Variants in PDIA6 observed in about 807,000 individuals in gnomAD.
The protein encoded by PDIA6 is protein disulfide isomerase family A member 6, also known as protein disulfide-isomerase A6.
PDIA6 carries 29 observed loss-of-function variants against 58.4 expected under a neutral mutation model. The observed-to-expected ratio is 0.50, with a 90% CI of 0.37 to 0.68. The LOEUF (loss-of-function observed/expected upper bound fraction) is 0.68. PDIA6 is among the 30% of genes least tolerant of loss of function. PDIA6 has a pLI of 0.00. For missense variants in PDIA6, 480 were observed against 551.0 expected, an observed-to-expected ratio of 0.87 and a Z score of 1.29; for synonymous variants, 192 against 202.6, an observed-to-expected ratio of 0.95 and a Z score of 0.44.
chr2:10,802,886 T>C (rs1035845933), intron 1 of PDIA6, among the ~76,000 whole-genome samples: 2 of 152,218 alleles, frequency 1.3e-5, no homozygotes, highest in African/African-American at 2.4e-5. Context: ...GGAAAAAGGC[T>C]GAAGCATTAT....
rs749930440 is a variant in PDIA6, at chr2:10,793,169, G to A, written c.380C>T (p.Ala127Val). ...CACGAGCTGGCGCAGAGCACTCAGC[G>A]CAGCATCTACAATGGCTTCACCAGT... ...GRTGEAIVDA[A>V]LSALRQLVKD... is the part of the protein sequence containing the mutation. Residue 127 changes from alanine to valine, a missense_variant, in exon 5 of 13, where the codon GCG becomes GTG. Coordinates refer to ENST00000272227, the MANE Select transcript of PDIA6 (RefSeq NM_005742.4). 5.0e-6 allele frequency: 8 copies of A among 1,614,006 alleles called. No individual in the cohort carries two copies. Among genetic ancestry groups the A allele is most frequent in the Admixed American group, 1.7e-5 (1 of 60,020 alleles).
chr2:10,816,683 T>C (rs1288818901), upstream of PDIA6, among the ~76,000 whole-genome samples: 1 of 152,166 alleles, frequency 6.6e-6, no homozygotes, highest in Non-Finnish European at 1.5e-5. Flanking sequence ...GTGACTGGGA[T>C]TTTTTTCTTT....
chr2:10,811,439 G>C (rs1413318849), intron 1 of PDIA6, among the ~76,000 whole-genome samples: 2 of 152,202 alleles, frequency 1.3e-5, no homozygotes, highest in Non-Finnish European at 2.9e-5. Flanking sequence ...CCAGGCTGCA[G>C]TGAACTATGA....
chr2:10,821,933 C>G (rs1212854213), intron 1 of PDIA6, among the ~76,000 whole-genome samples: 3 of 133,436 alleles, frequency 2.2e-5, no homozygotes, highest in Non-Finnish European at 4.8e-5. Flanking sequence ...CTTATATAAA[C>G]GATTTTTAAA....
chr2:10,791,581 A>T (rs1018580299), intron 6 of PDIA6, among the ~76,000 whole-genome samples: 2 of 152,170 alleles, frequency 1.3e-5, no homozygotes, highest in African/African-American at 4.8e-5. Flanking sequence ...CTGCCCCTAA[A>T]TCCAGACATG....
intron 1 of PDIA6, among the ~76,000 whole-genome samples, chr2:10,825,884 TA>T (rs1426872879): frequency 6.6e-6 from 1 of 152,226 alleles, no homozygotes; most frequent in Non-Finnish European, 1.5e-5. Flanking sequence ...TTTGGGAATG[TA>T]AAATGGTGCA....
intron 1 of PDIA6, among the ~76,000 whole-genome samples, 168 bp from the exon 2 acceptor site, chr2:10,802,808 C>G (rs796744902): frequency 1.1e-4 from 17 of 152,348 alleles, no homozygotes; most frequent in African/African-American, 3.8e-4. Flanking sequence ...TGGAATTTCA[C>G]TCCCATTGCT....
upstream of PDIA6, among the ~76,000 whole-genome samples, chr2:10,815,249 A>G (rs1309602178): frequency 7.2e-5 from 11 of 152,116 alleles, no homozygotes; most frequent in Non-Finnish European, 1.2e-4. Flanking sequence ...TTCTTTTTTC[A>G]TTAAAACCAA....
upstream of PDIA6, among the ~76,000 whole-genome samples, chr2:10,833,459 A>G (rs1667757941): frequency 6.6e-6 from 1 of 152,148 alleles, no homozygotes; most frequent in Non-Finnish European, 1.5e-5. Flanking sequence ...GTCCATCACC[A>G]CAGTGGGGTA....
chr2:10,834,886 C>G (rs1238114344), upstream of PDIA6, among the ~76,000 whole-genome samples: 1 of 152,054 alleles, frequency 6.6e-6, no homozygotes, highest in Non-Finnish European at 1.5e-5. Flanking sequence ...CTTGCCTCAG[C>G]CTCCTTAGTA....
chr2:10,835,457 C>T (rs1667813078), upstream of PDIA6, among the ~76,000 whole-genome samples: 2 of 152,114 alleles, frequency 1.3e-5, no homozygotes, highest in African/African-American at 4.8e-5. Context: ...AGCCCAGTCC[C>T]CAGCCTGGAG....
exon 1 of PDIA6, chr2:10,832,426 T>C: frequency 1.0e-6 from 1 of 985,452 alleles, no homozygotes; most frequent in Non-Finnish European, 1.2e-6. Flanking sequence ...TGGGATTCTA[T>C]TAATTCCTGT....
chr2:10,788,621 C>A, intron 10 of PDIA6, 76 bp downstream of exon 10: 4 of 965,162 alleles, frequency 4.1e-6, no homozygotes, highest in Non-Finnish European at 6.6e-6. Flanking sequence ...CTTACAAAAA[C>A]ACGGGGGAAC....
chr2:10,824,077 G>A (rs1667480208), intron 1 of PDIA6, among the ~76,000 whole-genome samples: 1 of 152,062 alleles, frequency 6.6e-6, no homozygotes, highest in African/African-American at 2.4e-5. Flanking sequence ...TGGTGTCATT[G>A]CCAAGAGCAC....
At chr2:10,818,522 A>C (rs1274614357) in intron 2 of PDIA6, among the ~76,000 whole-genome samples, 1 of 129,340 alleles carries the variant, frequency 7.7e-6, no homozygotes, top group Non-Finnish European at 1.7e-5. Context: ...TTATTTATTT[A>C]TTTATTTATT....
chr2:10,794,448 G>GAA (rs35863261), intron 4 of PDIA6, among the ~76,000 whole-genome samples: 919 of 60,216 alleles, frequency 0.015, 20 homozygotes, highest in African/African-American at 0.04. Context: ...TCTGTGTCAA[G>GAA]AAAAAAAAAA....
chr2:10,837,432 T>G (rs1251929886), upstream of PDIA6: 6 of 646,440 alleles, frequency 9.3e-6, no homozygotes, highest in East Asian at 1.7e-4. Context: ...GGAATAAAAA[T>G]GAGGGGGAGA....
chr2:10,823,869 C>T (rs571176239), intron 1 of PDIA6, among the ~76,000 whole-genome samples: 93 of 151,278 alleles, frequency 6.1e-4, no homozygotes, highest in Middle Eastern at 3.5e-3. Context: ...TCCCTGGGGG[C>T]AGCTTACATT....
At chr2:10,790,883 T>C in intron 6 of PDIA6, 50 bp from the exon 7 acceptor site, 1 of 1,364,636 alleles carries the variant, frequency 7.3e-7, no homozygotes, top group Non-Finnish European at 1.0e-6. Flanking sequence ...ACAGTCTCTC[T>C]CTGTTGCCCA....
Sources: gnomAD v4.1 joint callset for allele counts (sites outside exome capture counted in the v4.1 genomes callset) on GRCh38, gnomAD v4.1.1 for gene constraint, MANE v1.5 for transcripts, NCBI Gene and HGNC (gene_info 2026-07-23, HGNC 2026-07-21) for gene names.